The following MCF2L2 variants were observed in gnomAD, a reference collection of about 807,000 sequenced individuals.
MCF2L2 encodes MCF.2 cell line derived transforming sequence-like 2, also known as probable guanine nucleotide exchange factor MCF2L2.
Under a neutral mutation model 150.2 loss-of-function variants are expected in MCF2L2, and 102 were observed. The ratio of observed to expected loss-of-function variants is 0.68; its 90% CI spans 0.58 to 0.80. The LOEUF (loss-of-function observed/expected upper bound fraction) is 0.80. Among genes scored for constraint, MCF2L2 ranks in the 30% least tolerant of loss-of-function variants. MCF2L2 has a pLI of 0.00. For synonymous variants in MCF2L2, 465 were observed against 491.3 expected, an observed-to-expected ratio of 0.95 and a Z score of 0.71; for missense variants, 1,256 against 1,372.8, an observed-to-expected ratio of 0.91 and a Z score of 1.34.
chr3:183,238,153 T>C (rs1723825190), intron 15 of MCF2L2, among the ~76,000 whole-genome samples: 1 of 152,188 alleles, frequency 6.6e-6, no homozygotes, highest in African/African-American at 2.4e-5. Context: ...CCCTGCTTTA[T>C]TATTCTAAAG....
chr3:183,218,398 G>A (rs1723022048), intron 21 of MCF2L2, among the ~76,000 whole-genome samples: 1 of 152,160 alleles, frequency 6.6e-6, no homozygotes, highest in Non-Finnish European at 1.5e-5. Flanking sequence ...CACTTTGGGA[G>A]GCCGAGGGGG....
intron 3 of MCF2L2, among the ~76,000 whole-genome samples, chr3:183,343,319 T>C (rs966967507): frequency 2.6e-5 from 4 of 151,484 alleles, no homozygotes; most frequent in African/African-American, 9.7e-5. Flanking sequence ...ATTCTGAGAA[T>C]AGGCAGGCAA....
At chr3:183,244,271 G>C (rs184868947) in intron 15 of MCF2L2, among the ~76,000 whole-genome samples, 1 of 151,454 alleles carries the variant, frequency 6.6e-6, no homozygotes, top group Admixed American at 6.6e-5. Context: ...GATGCTTCCT[G>C]CCCTGGAACA....
chr3:183,295,304 G>A lies in MCF2L2; in HGVS notation c.1671C>T (p.Thr557=), dbSNP rs1728433096. 1 of 1,605,290 alleles carries A rather than the reference G, an allele frequency of 6.2e-7. No individual in the cohort carries two copies. Among genetic ancestry groups the A allele is most frequent in the South Asian group, 1.1e-5 (1 of 90,360 alleles). ...TCTTTTCCTCAAATAACCTACCCGA[G>A]GTGGAGGGCTGGCTGGTTTTTGATG... is the stretch of plus-strand genomic sequence containing the variant. The part of the protein sequence containing the change: ...WVSSKTSQPS[T]SVPLARPLRT... The change falls in exon 13 of 30, where the codon ACC becomes ACT. Residue 557 remains threonine, a synonymous_variant. Coordinates refer to ENST00000328913, the MANE Select transcript of MCF2L2 (RefSeq NM_015078.4).
chr3:183,207,593 T>C lies in MCF2L2; in HGVS notation c.2712+15A>G, dbSNP rs534717232. 51 of 1,590,532 alleles carry C rather than the reference T, an allele frequency of 3.2e-5. No individual in the cohort carries two copies. Among genetic ancestry groups the C allele is most frequent in the Admixed American group, 3.0e-4 (18 of 59,712 alleles). On this transcript the variant is annotated intron_variant, in intron 23 of 29. Coordinates refer to ENST00000328913, the MANE Select transcript of MCF2L2 (RefSeq NM_015078.4). ...TGCATAGGGCGACTCCCAGATGCAA[T>C]AGGACTCCCTTTACCTTCATGGTCT... is the stretch of plus-strand genomic sequence containing the variant.
At chr3:183,381,131 T>A (rs986629005) in intron 2 of MCF2L2, among the ~76,000 whole-genome samples, 5 of 152,194 alleles carry the variant, frequency 3.3e-5, no homozygotes, top group African/African-American at 1.2e-4. Context: ...TCCCAAGTTA[T>A]GTCCTTGAAG....
chr3:183,411,252 GC>G (rs1397142302), intron 1 of MCF2L2, among the ~76,000 whole-genome samples: 4 of 152,270 alleles, frequency 2.6e-5, no homozygotes, highest in Non-Finnish European at 5.9e-5. Context: ...ATTATTGCCT[GC>G]CAGTATGAAA....
intron 3 of MCF2L2, among the ~76,000 whole-genome samples, chr3:183,361,510 C>G (rs774219908): frequency 3.3e-5 from 5 of 152,122 alleles, no homozygotes; most frequent in African/African-American, 7.2e-5. Flanking sequence ...TGGCACCTCC[C>G]CTATCACTCT....
chr3:183,420,963 C>G (rs2108633034), intron 1 of MCF2L2, among the ~76,000 whole-genome samples: 1 of 152,118 alleles, frequency 6.6e-6, no homozygotes, highest in East Asian at 1.9e-4. Context: ...GACAGTTTTG[C>G]TGAATACAAG....
At position 183,179,479 on chromosome 3, in the gene MCF2L2, C is replaced by T. The variant is rs758146515; in HGVS notation, c.3246G>A (p.Glu1082=). The T allele has an allele frequency of 4.4e-6, 7 of 1,606,098 alleles. No homozygotes were observed. Among genetic ancestry groups the T allele is most frequent in the Non-Finnish European group, 6.0e-6 (7 of 1,175,746 alleles). ...GCCGGCCCGTGGACGCCCCAGCGCG[C>T]TCCTCCTCGGTGCTGCGGGTCGCCC... ...EETATRSTEE[E]RAGASTGRLA... The change falls in exon 30 of 30, where the codon GAG becomes GAA. Residue 1082 remains glutamate, a synonymous_variant. Transcript: ENST00000328913. This position sits in a 1 kb window ranked among gnomAD's most constrained non-coding sequence, Gnocchi z 4.2.
intron 1 of MCF2L2, among the ~76,000 whole-genome samples, chr3:183,403,422 G>T (rs948928568): frequency 6.6e-6 from 1 of 152,234 alleles, no homozygotes; most frequent in African/African-American, 2.4e-5. Context: ...GGGAAGAGTA[G>T]AAAGCAATTC....
chr3:183,351,777 G>A (rs1711510725), intron 3 of MCF2L2, among the ~76,000 whole-genome samples: 1 of 152,120 alleles, frequency 6.6e-6, no homozygotes, highest in African/African-American at 2.4e-5. Flanking sequence ...ATTAGCCTAT[G>A]TCTTTTTAAA....
intron 3 of MCF2L2, among the ~76,000 whole-genome samples, chr3:183,363,801 A>G (rs1712357074): frequency 6.6e-6 from 1 of 152,174 alleles, no homozygotes; most frequent in Admixed American, 6.5e-5. Flanking sequence ...AAGAGACAAT[A>G]TATCAGTAAA....
chr3:183,215,833 C>A (rs1722890616), intron 22 of MCF2L2, 136 bp downstream of exon 22: 5 of 1,033,112 alleles, frequency 4.8e-6, no homozygotes, highest in African/African-American at 1.6e-5. Context: ...GTTTACTGAG[C>A]AATTTAGGCG....
At chr3:183,218,461 A>AC (rs1296532870) in intron 21 of MCF2L2, among the ~76,000 whole-genome samples, 1 of 151,908 alleles carries the variant, frequency 6.6e-6, no homozygotes, top group Non-Finnish European at 1.5e-5. Context: ...ACGTGGTGAA[A>AC]CCCCATCTCT....
chr3:183,385,843 AGCAG>A (rs1391169332), intron 2 of MCF2L2, among the ~76,000 whole-genome samples: 1 of 152,224 alleles, frequency 6.6e-6, no homozygotes, highest in African/African-American at 2.4e-5. Context: ...ATGAGACATA[AGCAG>A]AAGGCAGCCA....
intron 1 of MCF2L2, among the ~76,000 whole-genome samples, chr3:183,397,403 G>C (rs1185122980): frequency 6.6e-6 from 1 of 152,168 alleles, no homozygotes; most frequent in Admixed American, 6.5e-5. Context: ...GATGGAAGAG[G>C]GAGGCAGCTG....
intron 15 of MCF2L2, among the ~76,000 whole-genome samples, chr3:183,250,716 G>A (rs1454662393): frequency 1.3e-5 from 2 of 152,216 alleles, no homozygotes; most frequent in African/African-American, 4.8e-5. Context: ...GGTGGCCGGG[G>A]GGCAGAGAAA....
At chr3:183,396,248 G>A (rs1311206670) in intron 1 of MCF2L2, among the ~76,000 whole-genome samples, 1 of 152,114 alleles carries the variant, frequency 6.6e-6, no homozygotes, top group African/African-American at 2.4e-5. Context: ...AGGGTGGTTT[G>A]TGGGTTGCAC....
Sources: allele counts gnomAD v4.1 joint callset (sites outside exome capture counted in the v4.1 genomes callset), GRCh38; gene constraint gnomAD v4.1.1; non-coding constraint Gnocchi (gnomAD v3.1); transcripts MANE v1.5; gene names NCBI Gene and HGNC (gene_info 2026-07-23, HGNC 2026-07-21).